The following KCNC2 variants were observed in gnomAD, a reference collection of about 807,000 sequenced individuals.
KCNC2 encodes potassium voltage-gated channel subfamily C member 2.
KCNC2 carries 21 observed loss-of-function variants against 44.5 expected under a neutral mutation model. That is an observed-to-expected ratio of 0.47 (90% CI 0.33 to 0.68). The LOEUF is 0.68. Ranked by LOEUF, KCNC2 falls within the 30% of genes least tolerant of loss-of-function variation. The probability of loss-of-function intolerance (pLI) is 0.01; values close to 1 mark genes in which losing one functional copy is unlikely to be tolerated. For missense variants in KCNC2, 589 were observed against 826.2 expected, an observed-to-expected ratio of 0.71 and a Z score of 3.52; for synonymous variants, 391 against 339.1, an observed-to-expected ratio of 1.15 and a Z score of -1.68.
At chr12:75,081,620 A>C (rs929286388) in intron 2 of KCNC2, among the ~76,000 whole-genome samples, 6 of 152,040 alleles carry the variant, frequency 3.9e-5, no homozygotes, top group African/African-American at 1.2e-4. Flanking sequence ...TCTTGTAATA[A>C]ATTTTCTCAG....
At chr12:75,136,257 C>G (rs896334398) in intron 2 of KCNC2, among the ~76,000 whole-genome samples, 3 of 151,696 alleles carry the variant, frequency 2.0e-5, no homozygotes, top group Non-Finnish European at 4.4e-5. Flanking sequence ...AAATCAGTAA[C>G]CTAATACTGC....
At position 75,083,306 on chromosome 12, in the gene KCNC2, G is replaced by A. The variant is rs151100671; in HGVS notation, c.688-31989C>T. On this transcript the variant is annotated intron_variant, in intron 2 of 4. Transcript: ENST00000549446. The stretch of plus-strand genomic sequence containing the variant: ...TCTCTAATAATAATCTAATTAGTTC[G>A]TTAATTGTATTGGTAAGGAATTGAT... 3.6e-3 allele frequency among the ~76,000 whole-genome samples: 553 copies of A among 151,660 alleles called. 2 individuals are homozygous for A. Among genetic ancestry groups the A allele is most frequent in the African/African-American group, 0.012 (515 of 41,454 alleles).
chr12:75,051,397 C>T, intron 2 of KCNC2, 80 bp from the exon 3 acceptor site: 1 of 800,782 alleles, frequency 1.2e-6, no homozygotes. Flanking sequence ...AAGCAACAAT[C>T]CCTGTAAATA....
At chr12:75,047,471 T>A (rs1880658878) in intron 4 of KCNC2, among the ~76,000 whole-genome samples, 1 of 152,084 alleles carries the variant, frequency 6.6e-6, no homozygotes, top group Admixed American at 6.6e-5. Flanking sequence ...AGATTTATTA[T>A]CTTCTAGGTG....
In KCNC2 at chr12:75,136,192, A is replaced by G. The variant is rs373567921; in HGVS notation, c.687+71105T>C. Among the ~76,000 whole-genome samples, 6 of 152,272 alleles carry G rather than the reference A, an allele frequency of 3.9e-5. No individual in the cohort carries two copies. The East Asian group carries it at 1.2e-3, about 29-fold the overall frequency. On this transcript the variant is annotated intron_variant, in intron 2 of 4. Transcript: ENST00000549446. ...CTGGGATGCCACAAAAGCAGGGCTA[A>G]GAGGGAACATTATAGCATTAAATGC... is the stretch of plus-strand genomic sequence containing the variant.
Position 75,086,371 on chromosome 12 carries a change from A to G in KCNC2, c.688-35054T>C, listed in dbSNP as rs566072513. 1.7e-4 allele frequency among the ~76,000 whole-genome samples: 26 copies of G among 152,224 alleles called. 1 individual carries two copies. The highest frequency in any genetic ancestry group is 6.8e-3 in the Middle Eastern group (2 of 294). On this transcript the variant is annotated intron_variant, in intron 2 of 4. Transcript: ENST00000549446. ...CAATGTGCAGTTTTGGCTAAGGTGC[A>G]AGAACATGCATAACAAAAGAATTAT... is the stretch of plus-strand genomic sequence containing the variant.
intron 2 of KCNC2, among the ~76,000 whole-genome samples, chr12:75,170,000 T>C (rs1425022145): frequency 1.3e-5 from 2 of 151,752 alleles, no homozygotes; most frequent in East Asian, 3.9e-4. Context: ...TGGGGGAAAT[T>C]GCTTATTTTA....
At chr12:75,155,072 G>C (rs983928423) in intron 2 of KCNC2, among the ~76,000 whole-genome samples, 3 of 151,558 alleles carry the variant, frequency 2.0e-5, no homozygotes, top group African/African-American at 7.3e-5. Flanking sequence ...CAGAAATACA[G>C]GGAAAATAAA....
intron 2 of KCNC2, among the ~76,000 whole-genome samples, chr12:75,075,914 A>T (rs1883917801): frequency 6.6e-6 from 1 of 152,160 alleles, no homozygotes; most frequent in African/African-American, 2.4e-5. Flanking sequence ...TAATTTGGCA[A>T]ATGACCTATT....
intron 2 of KCNC2, among the ~76,000 whole-genome samples, chr12:75,100,798 A>G (rs1405836080): frequency 6.6e-6 from 1 of 152,050 alleles, no homozygotes; most frequent in African/African-American, 2.4e-5. Flanking sequence ...TTATATTTCT[A>G]CAGATTTAGC....
chr12:75,072,565 G>T (rs1883525256), intron 2 of KCNC2, among the ~76,000 whole-genome samples: 2 of 151,110 alleles, frequency 1.3e-5, no homozygotes, highest in African/African-American at 4.9e-5. Context: ...GAAAGTCAAA[G>T]ATATTAAATA....
At chr12:75,063,956 T>G (rs1056004648) in intron 2 of KCNC2, among the ~76,000 whole-genome samples, 2 of 152,136 alleles carry the variant, frequency 1.3e-5, no homozygotes, top group East Asian at 1.9e-4. Context: ...TTATTCACAT[T>G]AACTTGGATG....
At chr12:75,124,768 C>A (rs1041940680) in intron 2 of KCNC2, 3 of 152,126 alleles carry the variant, frequency 2.0e-5, no homozygotes, top group African/African-American at 7.2e-5. Flanking sequence ...TTCTTACTTT[C>A]TTAGCTTGTT....
chr12:75,061,161 A>T (rs1243250067), intron 2 of KCNC2, among the ~76,000 whole-genome samples: 1 of 152,146 alleles, frequency 6.6e-6, no homozygotes. Context: ...AGTAACTATT[A>T]AGAAGGCATA....
intron 2 of KCNC2, among the ~76,000 whole-genome samples, chr12:75,134,682 TA>T (rs1018018349): frequency 3.9e-5 from 6 of 151,932 alleles, no homozygotes; most frequent in African/African-American, 1.4e-4. Flanking sequence ...AAAATGCTTT[TA>T]AAATAGTCTT....
chr12:75,072,881 T>G (rs908305167), intron 2 of KCNC2, among the ~76,000 whole-genome samples: 2 of 152,172 alleles, frequency 1.3e-5, no homozygotes, highest in Admixed American at 1.3e-4. Context: ...AAATATAACT[T>G]GCCAACTATT....
chr12:75,196,851 T>C (rs930051850), intron 2 of KCNC2, among the ~76,000 whole-genome samples: 1 of 152,088 alleles, frequency 6.6e-6, no homozygotes, highest in African/African-American at 2.4e-5. Context: ...CTTCCATCCA[T>C]GAAAGTATTT....
At chr12:75,182,544 A>C (rs1446502478) in intron 2 of KCNC2, among the ~76,000 whole-genome samples, 4 of 148,734 alleles carry the variant, frequency 2.7e-5, no homozygotes, top group East Asian at 2.0e-4. Flanking sequence ...AAAACAAAAA[A>C]AACAAAAAAA....
chr12:75,191,300 T>A (rs2471647), intron 2 of KCNC2, among the ~76,000 whole-genome samples: 77,410 of 151,460 alleles, frequency 0.51, 23,170 homozygotes, highest in African/African-American at 0.85. Context: ...AGAAAATGAA[T>A]TAACTAAACT....
Sources: allele counts gnomAD v4.1 joint callset (sites outside exome capture counted in the v4.1 genomes callset), GRCh38; gene constraint gnomAD v4.1.1; transcripts MANE v1.5; gene names NCBI Gene and HGNC (gene_info 2026-07-23, HGNC 2026-07-21).